The following GRID2 variants were observed in gnomAD, a reference collection of about 807,000 sequenced individuals.
The protein encoded by GRID2 is glutamate ionotropic receptor delta type subunit 2.
A neutral mutation model predicts 114.8 loss-of-function variants in GRID2; 33 were observed. The observed-to-expected ratio is 0.29, with a 90% confidence interval of 0.22 to 0.38. The LOEUF is 0.38. GRID2 is among the 10% of genes least tolerant of loss of function. GRID2 has a pLI of 1.00. For synonymous variants in GRID2, 505 were observed against 449.9 expected (o/e 1.12, Z -1.55); for missense variants, 1,184 against 1,257.7 (o/e 0.94, Z 0.89).
chr4:92,835,478 C>T (rs748538551), intron 2 of GRID2, among the ~76,000 whole-genome samples: 1 of 152,056 alleles, frequency 6.6e-6, no homozygotes, highest in Non-Finnish European at 1.5e-5. Flanking sequence ...GGAAATTCTA[C>T]AGATAATGCT....
At chr4:92,666,882 G>C (rs1381686994) in intron 2 of GRID2, among the ~76,000 whole-genome samples, 3 of 151,190 alleles carry the variant, frequency 2.0e-5, no homozygotes, top group African/African-American at 7.3e-5. Context: ...GAACAATAAG[G>C]GGGAGATGTA....
intron 14 of GRID2, among the ~76,000 whole-genome samples, chr4:93,740,927 T>C (rs1731310940): frequency 6.6e-6 from 1 of 151,490 alleles, no homozygotes; most frequent in Non-Finnish European, 1.5e-5. Context: ...TCCTCTTCTG[T>C]CCTACTTACC....
chr4:93,544,469 T>C (rs985730067), intron 13 of GRID2, among the ~76,000 whole-genome samples: 3 of 152,102 alleles, frequency 2.0e-5, no homozygotes, highest in Non-Finnish European at 2.9e-5. Context: ...CCATAAATAC[T>C]ACCTTCATTT....
At chr4:92,496,930 CTAAGT>C (rs1458488484) in intron 1 of GRID2, among the ~76,000 whole-genome samples, 4 of 151,462 alleles carry the variant, frequency 2.6e-5, no homozygotes, top group East Asian at 1.9e-4. Flanking sequence ...CATTCAGCTG[CTAAGT>C]TATTTGTTTC....
chr4:92,476,118 C>T (rs1446547001), intron 1 of GRID2, among the ~76,000 whole-genome samples: 1 of 151,192 alleles, frequency 6.6e-6, no homozygotes, highest in Non-Finnish European at 1.5e-5. Context: ...CTCCGCCTCC[C>T]GTGTTCACAC....
intron 14 of GRID2, among the ~76,000 whole-genome samples, chr4:93,665,084 T>C (rs189551984): frequency 6.6e-6 from 1 of 152,276 alleles, no homozygotes; most frequent in African/African-American, 2.4e-5. Context: ...GGGATCCCCA[T>C]TGCATACCAT....
intron 14 of GRID2, among the ~76,000 whole-genome samples, chr4:93,678,335 C>G (rs879652591): frequency 2.0e-4 from 31 of 152,224 alleles, no homozygotes; most frequent in Middle Eastern, 3.4e-3. Flanking sequence ...AGAATGGAAC[C>G]AAGTTGGAAA....
intron 2 of GRID2, among the ~76,000 whole-genome samples, chr4:92,704,595 T>G (rs1382803619): frequency 6.6e-6 from 1 of 152,152 alleles, no homozygotes. Flanking sequence ...ATAGAATGGA[T>G]AACAGTGATT....
At chr4:93,345,299 C>T (rs1760106191) in intron 8 of GRID2, among the ~76,000 whole-genome samples, 1 of 151,782 alleles carries the variant, frequency 6.6e-6, no homozygotes, top group Non-Finnish European at 1.5e-5. Flanking sequence ...CCCTTTTGTC[C>T]ACATTCTCAC....
At chr4:92,435,584 C>T (rs1181359750) in intron 1 of GRID2, among the ~76,000 whole-genome samples, 2 of 152,178 alleles carry the variant, frequency 1.3e-5, no homozygotes, top group Non-Finnish European at 2.9e-5. Flanking sequence ...CATACGATGA[C>T]TGATTGAAGG....
chr4:93,465,632 TTATTTTTTCCTCAC>T (rs1323474388), intron 11 of GRID2, among the ~76,000 whole-genome samples: 3 of 152,166 alleles, frequency 2.0e-5, no homozygotes, highest in Admixed American at 6.5e-5. Context: ...AACATTATAG[TTATTTTTTCCTCAC>T]TGTTTCCAAA....
At chr4:93,332,299 T>TGAGAGAGAGAGAGAGAGAGAGAGAGAGA (rs10596544) in intron 8 of GRID2, among the ~76,000 whole-genome samples, 1 of 120,988 alleles carries the variant, frequency 8.3e-6, no homozygotes, top group African/African-American at 3.3e-5. Flanking sequence ...TGTGTGTGTG[T>TGAGAGAGAGAGAGAGAGAGAGAGAGAGA]GAGAGAGAGA....
intron 1 of GRID2, among the ~76,000 whole-genome samples, chr4:92,491,304 T>C (rs1042753630): frequency 1.4e-4 from 22 of 152,156 alleles, no homozygotes; most frequent in African/African-American, 5.3e-4. Flanking sequence ...TTAGATAATA[T>C]CAGCTATGCT....
At chr4:93,548,823 T>G (rs1030995991) in intron 13 of GRID2, among the ~76,000 whole-genome samples, 1 of 152,216 alleles carries the variant, frequency 6.6e-6, no homozygotes, top group Non-Finnish European at 1.5e-5. Flanking sequence ...GGAGTAGAAC[T>G]AATGTACTGG....
intron 11 of GRID2, among the ~76,000 whole-genome samples, chr4:93,477,130 G>A (rs555879693): frequency 9.2e-5 from 14 of 152,138 alleles, no homozygotes; most frequent in Middle Eastern, 3.4e-3. Flanking sequence ...GGGCAGAGGG[G>A]CAAGAGAATG....
intron 1 of GRID2, among the ~76,000 whole-genome samples, chr4:92,500,036 T>C (rs1290904690): frequency 6.6e-6 from 1 of 152,246 alleles, no homozygotes; most frequent in Non-Finnish European, 1.5e-5. Context: ...TGCAACTTAT[T>C]ATTGTGGTTG....
chr4:93,531,738 A>G (rs535875562), intron 13 of GRID2, among the ~76,000 whole-genome samples: 29 of 152,274 alleles, frequency 1.9e-4, no homozygotes, highest in Non-Finnish European at 3.8e-4. Context: ...ACAGATGTAC[A>G]TTACTACAAT....
At chr4:92,350,109 G>A (rs984403338) in intron 1 of GRID2, among the ~76,000 whole-genome samples, 3 of 151,750 alleles carry the variant, frequency 2.0e-5, no homozygotes, top group Non-Finnish European at 4.4e-5. Context: ...TCATTTTTCT[G>A]TGTCTTGCTA....
intron 1 of GRID2, among the ~76,000 whole-genome samples, chr4:92,588,141 C>T (rs1407201375): frequency 2.0e-5 from 3 of 152,012 alleles, no homozygotes; most frequent in Non-Finnish European, 4.4e-5. Flanking sequence ...TCTAGATCTA[C>T]AAAGGATTAT....
Sources: allele counts gnomAD v4.1 joint callset (sites outside exome capture counted in the v4.1 genomes callset), GRCh38; gene constraint gnomAD v4.1.1; transcripts MANE v1.5; gene names NCBI Gene and HGNC (gene_info 2026-07-23, HGNC 2026-07-21).